PTPN14: variants seen among roughly 807,000 people sequenced by gnomAD.
The protein encoded by PTPN14 is protein tyrosine phosphatase non-receptor type 14.
PTPN14 carries 53 observed loss-of-function variants against 126.8 expected under a neutral mutation model. The ratio of observed to expected loss-of-function variants is 0.42; its 90% CI spans 0.34 to 0.53. The LOEUF (loss-of-function observed/expected upper bound fraction) is 0.53. Ranked by LOEUF, PTPN14 falls within the 20% of genes least tolerant of loss-of-function variation. PTPN14 has a pLI of 0.08. For missense variants in PTPN14, 1,257 were observed against 1,552.9 expected (o/e 0.81, Z 3.20); for synonymous variants, 630 against 599.3 (o/e 1.05, Z -0.75).
intron 3 of PTPN14, among the ~76,000 whole-genome samples, chr1:214,428,362 T>C (rs1659716647): frequency 1.3e-5 from 2 of 152,174 alleles, no homozygotes; most frequent in Non-Finnish European, 2.9e-5. Flanking sequence ...AAAACAGATT[T>C]GGGGGAAACG....
At chr1:214,454,793 T>C (rs1660346938) in intron 2 of PTPN14, among the ~76,000 whole-genome samples, 1 of 152,190 alleles carries the variant, frequency 6.6e-6, no homozygotes, top group Admixed American at 6.5e-5. Flanking sequence ...ACCAGGTAAT[T>C]ATCCAGTGAA....
chr1:214,494,095 G>T (rs1661307987), intron 1 of PTPN14, among the ~76,000 whole-genome samples: 1 of 151,758 alleles, frequency 6.6e-6, no homozygotes. Context: ...TTTTGAGACA[G>T]AGTCTCGCAC....
At position 214,383,216 on chromosome 1, in the gene PTPN14, C is replaced by T; in HGVS notation, c.2544+95G>A. ...TAAATGCTCAATGATTCCTTAAAAA[C>T]CTACCACGTTCCCTGCATAAGCCCT... On this transcript the variant is annotated intron_variant, in intron 13 of 18. Transcript: ENST00000366956. This position sits in a 1 kb window ranked among gnomAD's most constrained non-coding sequence, Gnocchi z 4.4. 1 of 1,428,318 alleles carries T rather than the reference C, an allele frequency of 7.0e-7. No homozygotes were observed. The highest frequency in any genetic ancestry group is 9.5e-7 in the Non-Finnish European group (1 of 1,055,176). 88.5% of individuals were successfully genotyped at this position (1,428,318 alleles called of 1,614,324 possible). A position where few individuals can be genotyped will look rare whatever the true frequency, so the allele number is the denominator to read the frequency against.
At chr1:214,484,217 A>G (rs182176232) in intron 1 of PTPN14, among the ~76,000 whole-genome samples, 48 of 152,252 alleles carry the variant, frequency 3.2e-4, no homozygotes, top group African/African-American at 1.2e-3. Flanking sequence ...CAGCCTGATC[A>G]ACACAGTATC....
intron 18 of PTPN14, among the ~76,000 whole-genome samples, chr1:214,363,042 T>C (rs1657992863): frequency 1.3e-5 from 2 of 152,172 alleles, no homozygotes; most frequent in Non-Finnish European, 2.9e-5. Context: ...TAGAGATTTC[T>C]AGAGACCTCT....
At chr1:214,438,010 G>A (rs74139872) in intron 3 of PTPN14, among the ~76,000 whole-genome samples, 6,018 of 152,296 alleles carry the variant, frequency 0.04, 428 homozygotes, top group African/African-American at 0.14. Flanking sequence ...TGCACGTAGT[G>A]TGAAGACCAC....
intron 13 of PTPN14, among the ~76,000 whole-genome samples, chr1:214,382,308 TC>T (rs1265373289): frequency 6.6e-6 from 1 of 151,338 alleles, no homozygotes; most frequent in Non-Finnish European, 1.5e-5. Flanking sequence ...AACTTAACTG[TC>T]TCCCCAAATT....
intron 1 of PTPN14, among the ~76,000 whole-genome samples, chr1:214,548,722 G>A (rs1571664719): frequency 2.0e-5 from 3 of 152,204 alleles, no homozygotes; most frequent in Admixed American, 2.0e-4. Flanking sequence ...AATAAGGAAG[G>A]AAGGCACTGG....
intron 10 of PTPN14, among the ~76,000 whole-genome samples, chr1:214,391,753 G>A (rs186298921): frequency 1.3e-5 from 2 of 148,260 alleles, no homozygotes; most frequent in African/African-American, 5.0e-5. Context: ...ATTAAGGTAA[G>A]TTCTTCAATT....
rs532511045 is a variant in PTPN14, at chr1:214,368,754, G to A, written c.3271+703C>T. On this transcript the variant is annotated intron_variant, in intron 17 of 18. Transcript: ENST00000366956. Reference sequence around the variant, plus strand: ...TCCCTGCAATTTGGGAGGCTGATGCGGGCAGATCACTTGAGACCAGGAGTT... The same window carrying A: ...TCCCTGCAATTTGGGAGGCTGATGCAGGCAGATCACTTGAGACCAGGAGTT... Among the ~76,000 whole-genome samples the A allele has an allele frequency of 3.9e-5, 6 of 152,198 alleles. No individual in the cohort carries two copies. In the East Asian group the frequency reaches 5.8e-4, roughly 15 times the overall value.
chr1:214,498,185 A>G (rs960213576), intron 1 of PTPN14, among the ~76,000 whole-genome samples: 18 of 152,224 alleles, frequency 1.2e-4, no homozygotes, highest in Non-Finnish European at 2.9e-5. Flanking sequence ...TTCTGTCCCT[A>G]GAGCTAGATA....
chr1:214,491,022 A>AAAGG (rs1445846788), intron 1 of PTPN14, among the ~76,000 whole-genome samples: 13 of 133,306 alleles, frequency 9.8e-5, no homozygotes, highest in African/African-American at 1.8e-4. Context: ...AGAAAGGAAG[A>AAAGG]AAGGAAGGAA....
intron 3 of PTPN14, among the ~76,000 whole-genome samples, chr1:214,423,709 T>G (rs1659594763): frequency 6.6e-6 from 1 of 151,858 alleles, no homozygotes; most frequent in South Asian, 2.1e-4. Flanking sequence ...TGCAGGGCGT[T>G]GTGGCTCATG....
intron 1 of PTPN14, among the ~76,000 whole-genome samples, chr1:214,508,032 G>GATC (rs1276793651): frequency 6.6e-6 from 1 of 152,138 alleles, no homozygotes; most frequent in Non-Finnish European, 1.5e-5. Context: ...AAAGGCTAAG[G>GATC]ATCATCTAAG....
chr1:214,408,492 C>A (rs909669926), intron 5 of PTPN14, among the ~76,000 whole-genome samples: 2 of 152,152 alleles, frequency 1.3e-5, no homozygotes, highest in African/African-American at 2.4e-5. Flanking sequence ...TTACTTCAAC[C>A]CAGGAATGGG....
At chr1:214,395,634 C>G (rs1234656568) in intron 8 of PTPN14, among the ~76,000 whole-genome samples, 2 of 147,386 alleles carry the variant, frequency 1.4e-5, no homozygotes, top group African/African-American at 2.5e-5. Flanking sequence ...CACACACACA[C>G]AGAGTTTCCT....
chr1:214,351,638 G>C lies in PTPN14; in HGVS notation c.*6284C>G, dbSNP rs1050041063. ...CTGCCAGCAGCAGGCGAGGGAAGAT[G>C]GTGCTTTTGATCAGCAAATCCAGGC... is the stretch of plus-strand genomic sequence containing the variant. On this transcript the variant is annotated 3_prime_UTR_variant, in exon 19 of 19. Coordinates refer to ENST00000366956, the MANE Select transcript of PTPN14 (RefSeq NM_005401.5). The C allele has an allele frequency of 6.6e-6, 1 of 152,264 alleles. No individual in the cohort carries two copies. Among genetic ancestry groups the C allele is most frequent in the African/African-American group, 2.4e-5 (1 of 41,444 alleles). The allele number at this position is 152,264 out of a possible 1,614,324, so 9.4% of individuals were successfully genotyped here.
At chr1:214,387,511 C>T (rs891853219) in intron 11 of PTPN14, among the ~76,000 whole-genome samples, 8 of 151,102 alleles carry the variant, frequency 5.3e-5, no homozygotes, top group Non-Finnish European at 1.0e-4. Flanking sequence ...ACTTCGTCTC[C>T]AAGAAAAAAA....
At chr1:214,544,744 C>T (rs1655925897) in intron 1 of PTPN14, among the ~76,000 whole-genome samples, 1 of 150,228 alleles carries the variant, frequency 6.7e-6, no homozygotes, top group Non-Finnish European at 1.5e-5. Context: ...GAGCGAGACT[C>T]CATCTCAAAA....
Sources: allele counts gnomAD v4.1 joint callset (sites outside exome capture counted in the v4.1 genomes callset), GRCh38; gene constraint gnomAD v4.1.1; non-coding constraint Gnocchi (gnomAD v3.1); transcripts MANE v1.5; gene names NCBI Gene and HGNC (gene_info 2026-07-23, HGNC 2026-07-21).